SUPT3H: variants seen among roughly 807,000 people sequenced by gnomAD.
The protein encoded by SUPT3H is SPT3 homolog, SAGA and STAGA complex component.
Under a neutral mutation model 44.3 loss-of-function variants are expected in SUPT3H, and 44 were observed. The ratio of observed to expected loss-of-function variants is 0.99; its 90% CI spans 0.78 to 1.28. The LOEUF (loss-of-function observed/expected upper bound fraction) is 1.28, where lower values mean the gene tolerates loss of function less well. SUPT3H is among the 50% of genes most tolerant of loss of function. SUPT3H has a pLI of 0.00. For missense variants in SUPT3H, 380 were observed against 387.1 expected (o/e 0.98, Z 0.15); for synonymous variants, 124 against 125.6 (o/e 0.99, Z 0.09).
intron 3 of SUPT3H, among the ~76,000 whole-genome samples, chr6:45,050,278 A>AGTGTGTGTGTGTGTGTGT (rs57510967): frequency 0.022 from 3,292 of 147,376 alleles, 54 homozygotes; most frequent in Middle Eastern, 0.035. Flanking sequence ...CTTTTTCTGC[A>AGTGTGTGTGTGTGTGTGT]GTGTGTGTGT....
intron 2 of SUPT3H, among the ~76,000 whole-genome samples, chr6:45,146,704 C>A (rs1200035814): frequency 6.6e-6 from 1 of 152,068 alleles, no homozygotes; most frequent in Non-Finnish European, 1.5e-5. Flanking sequence ...AGGTGGTTGG[C>A]CTTATAAAGC....
intron 2 of SUPT3H, among the ~76,000 whole-genome samples, chr6:45,290,189 A>C (rs1780088224): frequency 2.0e-5 from 3 of 152,126 alleles, no homozygotes; most frequent in Non-Finnish European, 4.4e-5. Flanking sequence ...CAAAAAAAGA[A>C]AAAAAAATTA....
At chr6:44,932,235 G>T (rs1582580897) in intron 10 of SUPT3H, among the ~76,000 whole-genome samples, 1 of 152,156 alleles carries the variant, frequency 6.6e-6, no homozygotes, top group East Asian at 1.9e-4. Context: ...AGCCAGTAAA[G>T]AAATATCTCT....
At chr6:44,936,204 T>C (rs563567346) in intron 9 of SUPT3H, among the ~76,000 whole-genome samples, 15 of 152,214 alleles carry the variant, frequency 9.9e-5, no homozygotes, top group African/African-American at 3.6e-4. Flanking sequence ...TTCATCCTTA[T>C]GGAGAATTTT....
At chr6:44,977,250 G>A (rs1402383236) in intron 6 of SUPT3H, among the ~76,000 whole-genome samples, 1 of 152,208 alleles carries the variant, frequency 6.6e-6, no homozygotes, top group African/African-American at 2.4e-5. Context: ...TTGGCAGCAA[G>A]AGGAAGGGAA....
At chr6:45,322,627 T>C (rs1785681739) in intron 2 of SUPT3H, among the ~76,000 whole-genome samples, 1 of 152,154 alleles carries the variant, frequency 6.6e-6, no homozygotes, top group Admixed American at 6.6e-5. Context: ...GCATAAGTTA[T>C]ACACAAGGCC....
rs1310809057 is a variant in SUPT3H, at chr6:45,344,728, A to G, written c.101+20473T>C. ...GGCTAGGAAAGCCTAGAGAAAAAAA[A>G]TCCTAAATATGAAAGGTGAGTCTGC... On this transcript the variant is annotated intron_variant, in intron 2 of 10. Coordinates refer to ENST00000371459, the MANE Select transcript of SUPT3H (RefSeq NM_003599.4). Among the ~76,000 whole-genome samples, 12 of 152,304 alleles carry G rather than the reference A, an allele frequency of 7.9e-5. No individual in the cohort carries two copies. In the East Asian group the frequency reaches 1.4e-3, roughly 17 times the overall value.
At chr6:45,278,490 T>G (rs988436794) in intron 2 of SUPT3H, among the ~76,000 whole-genome samples, 1 of 152,086 alleles carries the variant, frequency 6.6e-6, no homozygotes, top group Non-Finnish European at 1.5e-5. Context: ...CCAAAAATAT[T>G]TGGGCAAAGA....
intron 2 of SUPT3H, among the ~76,000 whole-genome samples, chr6:45,178,202 T>A (rs938603910): frequency 3.9e-5 from 6 of 151,966 alleles, no homozygotes; most frequent in African/African-American, 1.4e-4. Context: ...ACACATAGGC[T>A]CAAATAAAAG....
intron 9 of SUPT3H, among the ~76,000 whole-genome samples, chr6:44,948,180 C>T (rs539506249): frequency 1.1e-4 from 16 of 152,068 alleles, no homozygotes; most frequent in African/African-American, 3.6e-4. Context: ...GGTACCAGTA[C>T]CATTCTGTTT....
intron 6 of SUPT3H, among the ~76,000 whole-genome samples, chr6:44,976,624 A>G (rs554881410): frequency 6.6e-6 from 1 of 152,216 alleles, no homozygotes; most frequent in East Asian, 1.9e-4. Context: ...CAGCCTCCCA[A>G]AGTGCTAGGA....
At chr6:44,903,714 C>T (rs1249703667) in intron 10 of SUPT3H, among the ~76,000 whole-genome samples, 1 of 152,134 alleles carries the variant, frequency 6.6e-6, no homozygotes, top group South Asian at 2.1e-4. Flanking sequence ...CAAAGCCGGG[C>T]AGAGACACCA....
At chr6:44,885,987 G>A (rs1425740129) in intron 10 of SUPT3H, among the ~76,000 whole-genome samples, 2 of 152,166 alleles carry the variant, frequency 1.3e-5, no homozygotes, top group African/African-American at 2.4e-5. Flanking sequence ...CTCAGGAGCC[G>A]ATTAGATCAA....
At chr6:44,990,693 T>C (rs919938340) in intron 6 of SUPT3H, among the ~76,000 whole-genome samples, 10 of 152,134 alleles carry the variant, frequency 6.6e-5, no homozygotes, top group African/African-American at 1.2e-4. Context: ...CATCCATTCA[T>C]CTCTCTCTTT....
chr6:45,129,637 A>G (rs192391462), intron 2 of SUPT3H, among the ~76,000 whole-genome samples: 15 of 152,298 alleles, frequency 9.8e-5, no homozygotes, highest in African/African-American at 3.6e-4. Context: ...GCAGCTACTG[A>G]TTTTTGTACG....
In SUPT3H at chr6:44,914,886, C is replaced by T. The variant is rs566877669; in HGVS notation, c.912+17767G>A. On this transcript the variant is annotated intron_variant, in intron 10 of 10. Transcript: ENST00000371459. Reference sequence around the variant, plus strand: ...CAGGTGTGGATCAGATCAGGAAATACGATGTATCTTGGAGCAAGTGGGTCA... The same window carrying T: ...CAGGTGTGGATCAGATCAGGAAATATGATGTATCTTGGAGCAAGTGGGTCA... Among the ~76,000 whole-genome samples the T allele has an allele frequency of 2.0e-4, 30 of 152,238 alleles. No individual in the cohort carries two copies. The South Asian group carries it at 5.6e-3, about 28-fold the overall frequency.
intron 3 of SUPT3H, among the ~76,000 whole-genome samples, chr6:45,069,106 T>G (rs1793963524): frequency 6.6e-6 from 1 of 152,132 alleles, no homozygotes; most frequent in Non-Finnish European, 1.5e-5. Flanking sequence ...ATTGAACATG[T>G]GAATGTAAAA....
At chr6:45,372,500 G>A (rs1437270959) in intron 1 of SUPT3H, among the ~76,000 whole-genome samples, 1 of 151,966 alleles carries the variant, frequency 6.6e-6, no homozygotes, top group East Asian at 1.9e-4. Context: ...AACCACTATA[G>A]CATTTAAATC....
chr6:45,105,346 C>T (rs2153570965), intron 3 of SUPT3H, among the ~76,000 whole-genome samples: 1 of 152,174 alleles, frequency 6.6e-6, no homozygotes, highest in East Asian at 1.9e-4. Context: ...ATGGTACAGG[C>T]ATACCTCAGT....
Sources: gnomAD v4.1 joint callset for allele counts (sites outside exome capture counted in the v4.1 genomes callset) on GRCh38, gnomAD v4.1.1 for gene constraint, MANE v1.5 for transcripts, NCBI Gene and HGNC (gene_info 2026-07-23, HGNC 2026-07-21) for gene names.